The following GDF9 variants were observed in gnomAD, a reference collection of about 807,000 sequenced individuals.
GDF9 encodes growth differentiation factor 9, also known as growth/differentiation factor 9.
Under a neutral mutation model 33.8 loss-of-function variants are expected in GDF9, and 30 were observed. The ratio of observed to expected loss-of-function variants is 0.89; its 90% CI spans 0.66 to 1.20. The LOEUF is 1.20. Ranked by LOEUF, GDF9 falls within the 50% of genes most tolerant of loss-of-function variation. The pLI is 0.00. For missense variants in GDF9, 556 were observed against 543.7 expected (o/e 1.02, Z -0.22); for synonymous variants, 205 against 200.7 (o/e 1.02, Z -0.18).
In GDF9 at chr5:132,861,748, T is replaced by C. The variant is rs762446912; in HGVS notation, c.1206A>G (p.Val402=). The C allele has an allele frequency of 6.2e-7, 1 of 1,612,210 alleles. No homozygotes were observed. The highest frequency in any genetic ancestry group is 1.1e-5 in the South Asian group (1 of 91,038). The part of the protein sequence containing the change: ...HRYGSPVHTM[V]QNIIYEKLDS... ...CCAGCTTCTCATAGATGATGTTCTG[T>C]ACCATGGTGTGAACTGGAGAGCCAT... The change falls in exon 2 of 2, where the codon GTA becomes GTG. Residue 402 remains valine (V), a synonymous_variant. Transcript: ENST00000687138.
Position 132,862,219 on chromosome 5 carries a change from C to G in GDF9, c.735G>C (p.Glu245Asp). ...INFTCMKDQL[E>D]HPSAQNGLFN... ...ACAAACCATTCTGTGCTGAAGGATG[C>G]TCCAGCTGGTCTTTCATGCAAGTAA... is the stretch of plus-strand genomic sequence containing the variant. Residue 245 changes from glutamate to aspartate, a missense_variant, in exon 2 of 2, where the codon GAG becomes GAC. Coordinates refer to ENST00000687138, the MANE Select transcript of GDF9 (RefSeq NM_005260.7). The G allele has an allele frequency of 6.2e-7, 1 of 1,613,924 alleles. No homozygotes were observed. Among genetic ancestry groups the G allele is most frequent in the Admixed American group, 1.7e-5 (1 of 60,024 alleles).
rs774863453 is a variant in GDF9, at chr5:132,864,352, A to C, written c.182T>G (p.Leu61Arg). The stretch of plus-strand genomic sequence containing the variant: ...TAGAACTTTGAAAAGCGCGGGAAGG[A>C]GGCCAGCTCTGTCTCTCTCATCTAT... ...QHIDERDRAG[L>R]LPALFKVLSV... The change falls in exon 1 of 2, where the codon CTC becomes CGC. Residue 61 changes from leucine (L) to arginine (R), a missense_variant. By Grantham distance (102) the Leu-to-Arg change is moderately radical. Coordinates refer to ENST00000687138, the MANE Select transcript of GDF9 (RefSeq NM_005260.7). 9 of 1,614,212 alleles carry C rather than the reference A, an allele frequency of 5.6e-6. No individual in the cohort carries two copies. The highest frequency in any genetic ancestry group is 6.8e-6 in the Non-Finnish European group (8 of 1,180,042).
chr5:132,862,886 T>C (rs1759365518), intron 1 of GDF9, among the ~76,000 whole-genome samples: 1 of 152,208 alleles, frequency 6.6e-6, no homozygotes, highest in African/African-American at 2.4e-5. Flanking sequence ...TGGAGTGCAG[T>C]GGCACCATCA....
At chr5:132,864,005 T>G in intron 1 of GDF9, 132 bp downstream of exon 1, 2 of 959,098 alleles carry the variant, frequency 2.1e-6, no homozygotes, top group Non-Finnish European at 3.3e-6. Context: ...CAGATTTGTT[T>G]CAACTGGATA....
At position 132,866,138 on chromosome 5, in the gene GDF9, C is replaced by T. The variant is rs1759587282; in HGVS notation, c.-1605G>A. ...TTTTGGTGCTGGGGTCGCTCATGGCCTGAAAATAACGAAGCCCCCTTTGAG... is the reference window on the plus strand; with the variant it reads ...TTTTGGTGCTGGGGTCGCTCATGGCTTGAAAATAACGAAGCCCCCTTTGAG... On this transcript the variant is annotated 5_prime_UTR_variant, in exon 1 of 2. Coordinates refer to ENST00000687138, the MANE Select transcript of GDF9 (RefSeq NM_005260.7). 6.6e-6 allele frequency: 1 copy of T among 152,372 alleles called. No individual in the cohort carries two copies. Among genetic ancestry groups the T allele is most frequent in the Admixed American group, 6.5e-5 (1 of 15,278 alleles). 9.4% of individuals were successfully genotyped at this position (152,372 alleles called of 1,614,324 possible). A position where few individuals can be genotyped will look rare whatever the true frequency, so the allele number is the denominator to read the frequency against.
Position 132,862,454 on chromosome 5 carries a change from G to T in GDF9, c.500C>A (p.Ser167Tyr). ...CACACATTTGACAGCAGAGGAAAAA[G>T]AAACTGAGTTGTTGATATTGTACAG... ...VLLYNINNSV[S>Y]FSSAVKCVCN... Residue 167 changes from serine (S) to tyrosine (Y), a missense_variant, in exon 2 of 2, where the codon TCT (serine) becomes TAT (tyrosine). Physicochemically the swap from Ser to Tyr is moderately radical, Grantham distance 144. Transcript: ENST00000687138. 1 of 1,614,120 alleles carries T rather than the reference G, an allele frequency of 6.2e-7. No homozygotes were observed.
At position 132,861,240 on chromosome 5, in the gene GDF9, T is replaced by C. The variant is rs1278911982; in HGVS notation, c.*349A>G. The C allele has an allele frequency of 1.2e-5, 3 of 256,134 alleles. No individual in the cohort carries two copies. The highest frequency in any genetic ancestry group is 1.4e-3 in the Middle Eastern group (1 of 690). 15.9% of individuals were successfully genotyped at this position (256,134 alleles called of 1,614,324 possible). A position where few individuals can be genotyped will look rare whatever the true frequency, so the allele number is the denominator to read the frequency against. Reference sequence around the variant, plus strand: ...AGACTACAGCAATCTGAATTGCCTATTTATAGCTGCAAGTCCATCCAGGAT... The same window carrying C: ...AGACTACAGCAATCTGAATTGCCTACTTATAGCTGCAAGTCCATCCAGGAT... On this transcript the variant is annotated 3_prime_UTR_variant, in exon 2 of 2. Transcript: ENST00000687138.
In GDF9 at chr5:132,861,412, G is replaced by A. The variant is rs1284396826; in HGVS notation, c.*177C>T. ...AAAAAAAGGCTCTGTAGCAACAATT[G>A]ATGTTATCCCTTTATCCTGATAGAT... On this transcript the variant is annotated 3_prime_UTR_variant, in exon 2 of 2. Transcript: ENST00000687138. 9 of 624,794 alleles carry A rather than the reference G, an allele frequency of 1.4e-5. No individual in the cohort carries two copies. The East Asian group carries it at 2.1e-4, about 15-fold the overall frequency. 38.7% of individuals were successfully genotyped at this position (624,794 alleles called of 1,614,324 possible). A position where few individuals can be genotyped will look rare whatever the true frequency, so the allele number is the denominator to read the frequency against.
Position 132,864,269 on chromosome 5 carries a change from T to C in GDF9, c.265A>G (p.Met89Val). Reference protein sequence around the residue: ...LQPDSRALHYMKKLYKTYATK... With the variant: ...LQPDSRALHYVKKLYKTYATK... ...GCATATGTCTTATAGAGCTTCTTCA[T>C]GTAGTGCAAAGCTCTGGAGTCTGGC... Residue 89 changes from methionine to valine, a missense_variant, in exon 1 of 2, where the codon ATG becomes GTG. Transcript: ENST00000687138. The C allele has an allele frequency of 6.2e-7, 1 of 1,614,196 alleles. No homozygotes were observed. Among genetic ancestry groups the C allele is most frequent in the Non-Finnish European group, 8.5e-7 (1 of 1,180,026 alleles).
rs561625119 is a variant in GDF9 at position 132,865,958 on chromosome 5, G to A, written c.-1425C>T. 9.9e-4 allele frequency among the ~76,000 whole-genome samples: 151 copies of A among 152,310 alleles called. No homozygotes were observed. Among genetic ancestry groups the A allele is most frequent in the Middle Eastern group, 3.4e-3 (1 of 294 alleles). On this transcript the variant is annotated 5_prime_UTR_variant, in exon 1 of 2. An upstream open reading frame in the 5' UTR gains an earlier in-frame stop. Transcript: ENST00000687138. ...CCATCTGGGGAGGACGCTGGCTGCT[G>A]TCGAGGCGGCCTCAGCATTCATCAA...
rs776993130 is a variant in GDF9, at chr5:132,862,031, T to C, written c.923A>G (p.Glu308Gly). 10 of 1,613,656 alleles carry C rather than the reference T, an allele frequency of 6.2e-6. No individual in the cohort carries two copies. Among genetic ancestry groups the C allele is most frequent in the Non-Finnish European group, 6.8e-6 (8 of 1,179,548 alleles). Reference protein sequence around the residue: ...SAYPVGEEAAEDGRSSHHRHR... With the variant: ...SAYPVGEEAAGDGRSSHHRHR... ...ACGGTGATGGGAAGATCTCCCATCC[T>C]CAGCAGCCTCTTCTCCCACAGGATA... The change falls in exon 2 of 2, where the codon GAG (glutamate) becomes GGG (glycine). Residue 308 changes from glutamate to glycine, a missense_variant. Glu to Gly is a moderately conservative substitution (Grantham distance 98, BLOSUM62 -2). Coordinates refer to ENST00000687138, the MANE Select transcript of GDF9 (RefSeq NM_005260.7).
intron 1 of GDF9, 54 bp from the exon 2 acceptor site, chr5:132,862,610 G>A: frequency 7.3e-7 from 1 of 1,363,332 alleles, no homozygotes; most frequent in Non-Finnish European, 1.0e-6. Context: ...AACACAACAG[G>A]CAGTCAAGTC....
chr5:132,863,327 T>C (rs559756923), intron 1 of GDF9, among the ~76,000 whole-genome samples: 2 of 152,296 alleles, frequency 1.3e-5, no homozygotes, highest in East Asian at 3.9e-4. Context: ...TTAGAACACT[T>C]GAGATTAAAA....
At position 132,861,963 on chromosome 5, in the gene GDF9, GCTT is replaced by G. The variant is rs760731288; in HGVS notation, c.988_990del (p.Lys330del). ...AGATTGAAGGAAGCTGGGCCCAAGG[GCTT>G]CTTCAATTCAGAACTGACAGTTTCC... is the stretch of plus-strand genomic sequence containing the variant. On this transcript the variant is annotated inframe_deletion, in exon 2 of 2. Coordinates refer to ENST00000687138, the MANE Select transcript of GDF9 (RefSeq NM_005260.7). 8 of 1,614,008 alleles carry G rather than the reference GCTT, an allele frequency of 5.0e-6. No individual in the cohort carries two copies. The South Asian group carries it at 6.6e-5, about 13-fold the overall frequency.
chr5:132,862,680 T>C, intron 1 of GDF9, 124 bp from the exon 2 acceptor site: 1 of 736,538 alleles, frequency 1.4e-6, no homozygotes, highest in Admixed American at 2.7e-5. Context: ...TTCTCAAGCC[T>C]CAAAAAAAAA....
rs1205723048 is a variant in GDF9, at chr5:132,862,308, C to T, written c.646G>A (p.Val216Met). The change falls in exon 2 of 2, where the codon GTG (valine) becomes ATG (methionine). Residue 216 changes from valine (V) to methionine (M), a missense_variant. Physicochemically the swap from Val to Met is conservative, Grantham distance 21. Coordinates refer to ENST00000687138, the MANE Select transcript of GDF9 (RefSeq NM_005260.7). ...GKKHKWIQID[V>M]TSLLQPLVAS... ...ACTAAAGGTTGAAGGAGGCTGGTCA[C>T]ATCAATCTGAATCCATTTGTGTTTC... is the stretch of plus-strand genomic sequence containing the variant. 5 of 1,614,112 alleles carry T rather than the reference C, an allele frequency of 3.1e-6. No homozygotes were observed. In the South Asian group the frequency reaches 5.5e-5, roughly 18 times the overall value.
In GDF9 at chr5:132,861,283, T is replaced by G. The variant is rs1201811855; in HGVS notation, c.*306A>C. 2.9e-6 allele frequency: 1 copy of G among 346,510 alleles called. No homozygotes were observed. Among genetic ancestry groups the G allele is most frequent in the Non-Finnish European group, 5.4e-6 (1 of 186,550 alleles). The allele number at this position is 346,510 out of a possible 1,614,324, so 21.5% of individuals were successfully genotyped here. ...TCCAGGATTGATGCTAATTAAGGTT[T>G]TTTCCCTATCAAGAATAAGACTCCT... On this transcript the variant is annotated 3_prime_UTR_variant, in exon 2 of 2. Transcript: ENST00000687138.
Position 132,862,514 on chromosome 5 carries a change from A to T in GDF9, c.440T>A (p.Ile147Asn), listed in dbSNP as rs1581248711. 9 of 1,610,548 alleles carry T rather than the reference A, an allele frequency of 5.6e-6. No individual in the cohort carries two copies. The highest frequency in any genetic ancestry group is 7.6e-6 in the Non-Finnish European group (9 of 1,178,534). Reference sequence around the variant, plus strand: ...CTTGAGTAAGTGTTCAACGGTAGTAATGCGATCCAGGTTAAATAGCAGTTC... The same window carrying T: ...CTTGAGTAAGTGTTCAACGGTAGTATTGCGATCCAGGTTAAATAGCAGTTC... ...SVELLFNLDR[I>N]TTVEHLLKSV... Residue 147 changes from isoleucine to asparagine, a missense_variant, in exon 2 of 2, where the codon ATT (isoleucine) becomes AAT (asparagine). Coordinates refer to ENST00000687138, the MANE Select transcript of GDF9 (RefSeq NM_005260.7).
In GDF9 at chr5:132,865,396, C is replaced by T. The variant is rs772978281; in HGVS notation, c.-863G>A. ...AAATGAACGTTTTATTATTATTCAT[C>T]CAAATGGTGGTAGAATTTGCCACAA... On this transcript the variant is annotated 5_prime_UTR_variant, in exon 1 of 2. Transcript: ENST00000687138. 1 of 152,136 alleles carries T rather than the reference C, an allele frequency of 6.6e-6. No individual in the cohort carries two copies. Among genetic ancestry groups the T allele is most frequent in the Non-Finnish European group, 1.5e-5 (1 of 68,038 alleles). 9.4% of individuals were successfully genotyped at this position (152,136 alleles called of 1,614,324 possible).
Sources: allele counts gnomAD v4.1 joint callset (sites outside exome capture counted in the v4.1 genomes callset), GRCh38; gene constraint gnomAD v4.1.1; transcripts MANE v1.5; gene names NCBI Gene and HGNC (gene_info 2026-07-23, HGNC 2026-07-21).